NHEJ1: variants seen among roughly 807,000 people sequenced by gnomAD.
NHEJ1 encodes the protein non-homologous end-joining factor 1.
Under a neutral mutation model 39.4 loss-of-function variants are expected in NHEJ1, and 22 were observed. The observed-to-expected ratio is 0.56, with a 90% CI of 0.40 to 0.80. The LOEUF is 0.80. NHEJ1 is among the 30% of genes least tolerant of loss of function. The pLI, the probability that NHEJ1 is intolerant of heterozygous loss-of-function variation, is 0.00. For missense variants in NHEJ1, 329 were observed against 357.1 expected (o/e 0.92, Z 0.63); for synonymous variants, 154 against 135.6 (o/e 1.14, Z -0.94).
chr2:219,093,290 G>A lies in NHEJ1; in HGVS notation c.589-15084C>T, dbSNP rs148447895. Among the ~76,000 whole-genome samples, 7 of 152,260 alleles carry A rather than the reference G, an allele frequency of 4.6e-5. No individual in the cohort carries two copies. The East Asian group carries it at 1.4e-3, about 29-fold the overall frequency. On this transcript the variant is annotated intron_variant, in intron 5 of 7. Coordinates refer to ENST00000356853, the MANE Select transcript of NHEJ1 (RefSeq NM_024782.3). ...TAATCAACAGGTAGACAGTGAACTCGTAGGAGCCAGAGGAAACGGAGCAGG... is the reference window on the plus strand; with the variant it reads ...TAATCAACAGGTAGACAGTGAACTCATAGGAGCCAGAGGAAACGGAGCAGG...
intron 5 of NHEJ1, among the ~76,000 whole-genome samples, chr2:219,097,834 G>C (rs1455721207): frequency 6.6e-6 from 1 of 152,196 alleles, no homozygotes; most frequent in African/African-American, 2.4e-5. Flanking sequence ...TAAAGATGAT[G>C]TTTAAAGCCA....
At chr2:219,121,424 G>C (rs1949470195) in intron 5 of NHEJ1, among the ~76,000 whole-genome samples, 1 of 152,224 alleles carries the variant, frequency 6.6e-6, no homozygotes, top group East Asian at 1.9e-4. Flanking sequence ...TCTACTCTCT[G>C]AATTAAATAA....
Position 219,128,157 on chromosome 2 carries a change from T to C in NHEJ1, c.588+18523A>G, listed in dbSNP as rs73074903. ...CTGGTGAGTGCTGGTCTGTGAACTC[T>C]TTGTAACTAGCCCATGATGCGGTAA... On this transcript the variant is annotated intron_variant, in intron 5 of 7. Coordinates refer to ENST00000356853, the MANE Select transcript of NHEJ1 (RefSeq NM_024782.3). 2.4e-3 allele frequency among the ~76,000 whole-genome samples: 363 copies of C among 152,354 alleles called. 3 individuals carry two copies. Among genetic ancestry groups the C allele is most frequent in the African/African-American group, 7.6e-3 (317 of 41,588 alleles).
intron 5 of NHEJ1, among the ~76,000 whole-genome samples, chr2:219,117,742 C>T (rs1949429376): frequency 6.6e-6 from 1 of 152,224 alleles, no homozygotes; most frequent in Non-Finnish European, 1.5e-5. Flanking sequence ...GGCTTCATCA[C>T]TTATTTATTA....
At position 219,076,217 on chromosome 2, in the gene NHEJ1, A is replaced by G. The variant is rs761509182; in HGVS notation, c.*164T>C. 16 of 1,478,414 alleles carry G rather than the reference A, an allele frequency of 1.1e-5. No homozygotes were observed. The highest frequency in any genetic ancestry group is 4.2e-5 in the African/African-American group (3 of 71,338). The allele number at this position is 1,478,414 out of a possible 1,614,324, so 91.6% of individuals were successfully genotyped here. On this transcript the variant is annotated 3_prime_UTR_variant, in exon 8 of 8. Transcript: ENST00000356853. ...GCTTCCACTTGAACAGGGAAGGCCA[A>G]TTCCCTGTGGGCCTGTCAACATCAA...
Position 219,158,292 on chromosome 2 carries a change from A to G in NHEJ1, c.71T>C (p.Leu24Ser). The G allele has an allele frequency of 6.2e-7, 1 of 1,614,218 alleles. No homozygotes were observed. Among genetic ancestry groups the G allele is most frequent in the Non-Finnish European group, 8.5e-7 (1 of 1,180,038 alleles). Reference protein sequence around the residue: ...AWLQLAENSLLAKVFITKQGY... With the variant: ...AWLQLAENSLSAKVFITKQGY... ...CTGCTTGGTGATAAAAACCTTGGCC[A>G]AGAGGGAGTTCTCTGCAAGCTGTAG... The change falls in exon 2 of 8, where the codon TTG becomes TCG. Residue 24 changes from leucine (L) to serine (S), a missense_variant. Transcript: ENST00000356853.
chr2:219,159,524 T>TATAG (rs139833087), intron 1 of NHEJ1, among the ~76,000 whole-genome samples: 1 of 23,644 alleles, frequency 4.2e-5, no homozygotes, highest in Non-Finnish European at 1.2e-4. Flanking sequence ...TATATATATA[T>TATAG]GCATATATAT....
chr2:219,133,745 G>C (rs1053170753), intron 5 of NHEJ1, among the ~76,000 whole-genome samples: 3 of 152,152 alleles, frequency 2.0e-5, no homozygotes, highest in Non-Finnish European at 2.9e-5. Context: ...AAAATTATTG[G>C]ATGAAAAGGC....
intron 5 of NHEJ1, among the ~76,000 whole-genome samples, chr2:219,133,004 A>C (rs1365508056): frequency 6.6e-6 from 1 of 152,238 alleles, no homozygotes; most frequent in Admixed American, 6.5e-5. Flanking sequence ...TAAACAGTTT[A>C]AACTTCTAAA....
intron 1 of NHEJ1, among the ~76,000 whole-genome samples, chr2:219,158,583 C>T (rs1663730063): frequency 1.3e-5 from 2 of 151,094 alleles, no homozygotes; most frequent in African/African-American, 2.4e-5. Context: ...TTTTTTTTTT[C>T]CCATATTACA....
chr2:219,075,530 A>G lies in NHEJ1; in HGVS notation c.*851T>C, dbSNP rs1424738546. On this transcript the variant is annotated 3_prime_UTR_variant, in exon 8 of 8. Transcript: ENST00000356853. Reference sequence around the variant, plus strand: ...GGGAGGTTGAGGTGGGCAGATCACTAGAGTCCAGGAGTTCAAGACCAGCCT... The same window carrying G: ...GGGAGGTTGAGGTGGGCAGATCACTGGAGTCCAGGAGTTCAAGACCAGCCT... 2 of 152,112 alleles carry G rather than the reference A, an allele frequency of 1.3e-5. No homozygotes were observed. Among genetic ancestry groups the G allele is most frequent in the Non-Finnish European group, 2.9e-5 (2 of 68,016 alleles). 9.4% of individuals were successfully genotyped at this position (152,112 alleles called of 1,614,324 possible).
intron 5 of NHEJ1, among the ~76,000 whole-genome samples, chr2:219,145,703 G>A (rs570424988): frequency 6.6e-6 from 1 of 152,300 alleles, no homozygotes; most frequent in African/African-American, 2.4e-5. Context: ...GGAGGCCGAG[G>A]TGGGTGGTCA....
chr2:219,104,251 C>A (rs1437627381), intron 5 of NHEJ1, among the ~76,000 whole-genome samples: 1 of 152,080 alleles, frequency 6.6e-6, no homozygotes, highest in Non-Finnish European at 1.5e-5. Flanking sequence ...CAGGTACAGA[C>A]TGAAGGAAAA....
intron 5 of NHEJ1, among the ~76,000 whole-genome samples, chr2:219,130,542 ATAAGT>A (rs1949568492): frequency 6.6e-6 from 1 of 152,198 alleles, no homozygotes; most frequent in Non-Finnish European, 1.5e-5. Flanking sequence ...TCTCTGGCTG[ATAAGT>A]TAAAGAAAAG....
At chr2:219,147,937 A>T in intron 3 of NHEJ1, 142 bp from the exon 4 acceptor site, 1 of 784,368 alleles carries the variant, frequency 1.3e-6, no homozygotes, top group African/African-American at 1.7e-5. Flanking sequence ...CATTTACATG[A>T]ATGTAAACAC....
chr2:219,131,605 A>G (rs1225317537), intron 5 of NHEJ1, among the ~76,000 whole-genome samples: 2 of 152,224 alleles, frequency 1.3e-5, no homozygotes, highest in Non-Finnish European at 2.9e-5. Flanking sequence ...TGTGCTAGAT[A>G]AATTAATAAA....
At chr2:219,076,490 T>G in intron 7 of NHEJ1, 35 bp from the exon 8 acceptor site, 3 of 1,596,098 alleles carry the variant, frequency 1.9e-6, no homozygotes, top group Non-Finnish European at 2.6e-6. Flanking sequence ...GTAGGGGTTT[T>G]GAAATAGTTC....
chr2:219,100,007 G>A (rs888873137), intron 5 of NHEJ1, among the ~76,000 whole-genome samples: 15 of 152,170 alleles, frequency 9.9e-5, no homozygotes, highest in African/African-American at 3.4e-4. Context: ...CCACTGAGGG[G>A]AGGGGTGGTA....
At chr2:219,125,237 C>T (rs1435206304) in intron 5 of NHEJ1, among the ~76,000 whole-genome samples, 2 of 151,934 alleles carry the variant, frequency 1.3e-5, no homozygotes, top group African/African-American at 2.4e-5. Context: ...AGAGAAGCAA[C>T]GCAGCTTGAG....
Sources: allele counts gnomAD v4.1 joint callset (sites outside exome capture counted in the v4.1 genomes callset), GRCh38; gene constraint gnomAD v4.1.1; transcripts MANE v1.5; gene names NCBI Gene and HGNC (gene_info 2026-07-23, HGNC 2026-07-21).